BAZ2B: variants seen among roughly 807,000 people sequenced by gnomAD.
BAZ2B encodes bromodomain adjacent to zinc finger domain protein 2B.
BAZ2B carries 91 observed loss-of-function variants against 246.0 expected under a neutral mutation model. That is an observed-to-expected ratio of 0.37 (90% CI 0.31 to 0.44). The LOEUF (loss-of-function observed/expected upper bound fraction) is 0.44. Ranked by LOEUF, BAZ2B falls within the 20% of genes least tolerant of loss-of-function variation. BAZ2B has a pLI of 1.00. For missense variants in BAZ2B, 2,332 were observed against 2,533.7 expected (o/e 0.92, Z 1.71); for synonymous variants, 855 against 860.0 (o/e 0.99, Z 0.10).
At chr2:159,650,404 T>C in the BAZ2B span, among the ~76,000 whole-genome samples, 1 of 152,144 alleles carries the variant, frequency 6.6e-6, no homozygotes, top group Non-Finnish European at 1.5e-5. Context: ...CACAGGACCA[T>C]TTAAGTTTAG....
intron 3 of BAZ2B, among the ~76,000 whole-genome samples, chr2:159,469,435 T>G (rs908232038): frequency 2.0e-5 from 3 of 152,000 alleles, no homozygotes; most frequent in Non-Finnish European, 4.4e-5. Flanking sequence ...TTACTTATTT[T>G]ATTTATTTAT....
chr2:159,630,443 C>T, the BAZ2B span, among the ~76,000 whole-genome samples: 2 of 152,146 alleles, frequency 1.3e-5, 1 homozygote, highest in South Asian at 4.1e-4. Flanking sequence ...GACTTTAAAA[C>T]ACAACAACTA....
At chr2:159,608,953 A>G (rs997908197) in intron 1 of BAZ2B, among the ~76,000 whole-genome samples, 2 of 152,228 alleles carry the variant, frequency 1.3e-5, no homozygotes, top group African/African-American at 4.8e-5. Flanking sequence ...ACAAACACAT[A>G]CATGCACATG....
chr2:159,466,602 A>G (rs1487458674), intron 3 of BAZ2B, among the ~76,000 whole-genome samples: 1 of 152,236 alleles, frequency 6.6e-6, no homozygotes, highest in African/African-American at 2.4e-5. Context: ...TAAGGTCTGT[A>G]TTAGTCAAGA....
At chr2:159,546,238 C>T (rs1043141467) in intron 2 of BAZ2B, among the ~76,000 whole-genome samples, 3 of 152,000 alleles carry the variant, frequency 2.0e-5, no homozygotes, top group East Asian at 1.9e-4. Flanking sequence ...GACTGAATTA[C>T]GGGGGCGGGT....
intron 27 of BAZ2B, among the ~76,000 whole-genome samples, chr2:159,361,982 G>A (rs1408550039): frequency 6.6e-6 from 1 of 152,082 alleles, no homozygotes; most frequent in Non-Finnish European, 1.5e-5. Flanking sequence ...GGGAGGGATA[G>A]CATTAGGAGA....
intron 3 of BAZ2B, chr2:159,464,116 T>C (rs766563896): frequency 4.6e-5 from 7 of 152,218 alleles, no homozygotes; most frequent in Non-Finnish European, 1.0e-4. Flanking sequence ...CCTTATGTTA[T>C]CATCTTACAT....
chr2:159,551,196 A>ATG, intron 2 of BAZ2B, among the ~76,000 whole-genome samples: 1 of 152,146 alleles, frequency 6.6e-6, no homozygotes, highest in African/African-American at 2.4e-5. Context: ...CCGGCCGGGC[A>ATG]CGGTGGCTCA....
chr2:159,558,020 G>T (rs993722532), intron 1 of BAZ2B, among the ~76,000 whole-genome samples: 3 of 151,890 alleles, frequency 2.0e-5, no homozygotes, highest in African/African-American at 7.3e-5. Flanking sequence ...AAATGCAGAG[G>T]GAATGGGAAA....
chr2:159,620,303 A>G (rs1433299863), upstream of BAZ2B, among the ~76,000 whole-genome samples: 1 of 152,242 alleles, frequency 6.6e-6, no homozygotes, highest in Non-Finnish European at 1.5e-5. Context: ...TTCTGTTTCA[A>G]TCATTACAGC....
the BAZ2B span, among the ~76,000 whole-genome samples, chr2:159,678,142 T>C: frequency 2.0e-5 from 3 of 152,202 alleles, no homozygotes; most frequent in African/African-American, 7.2e-5. Context: ...TTTTACGTAA[T>C]GCTAAATAAT....
At chr2:159,483,647 A>G (rs933769668) in intron 2 of BAZ2B, among the ~76,000 whole-genome samples, 4 of 151,838 alleles carry the variant, frequency 2.6e-5, no homozygotes, top group Admixed American at 6.6e-5. Context: ...CCCACGCGGT[A>G]GTGGGTGCCT....
intron 3 of BAZ2B, among the ~76,000 whole-genome samples, chr2:159,457,753 C>A (rs899665886): frequency 6.6e-6 from 1 of 152,074 alleles, no homozygotes; most frequent in Admixed American, 6.5e-5. Context: ...CTCCCAGGGC[C>A]ACTCCTTTAC....
At chr2:159,685,766 A>T in the BAZ2B span, among the ~76,000 whole-genome samples, 1 of 152,208 alleles carries the variant, frequency 6.6e-6, no homozygotes, top group Non-Finnish European at 1.5e-5. Context: ...AAATAAACAT[A>T]AGTCCATACT....
At chr2:159,701,503 CTT>C in the BAZ2B span, among the ~76,000 whole-genome samples, 2 of 151,208 alleles carry the variant, frequency 1.3e-5, no homozygotes, top group Non-Finnish European at 2.9e-5. Context: ...TAAATTCAAA[CTT>C]TAAAAAAATT....
chr2:159,678,825 G>A, the BAZ2B span, among the ~76,000 whole-genome samples: 1 of 152,088 alleles, frequency 6.6e-6, no homozygotes, highest in East Asian at 1.9e-4. Flanking sequence ...TATTACTTTT[G>A]CAGTTTCACA....
At chr2:159,394,148 CA>C (rs2063693937) in intron 20 of BAZ2B, among the ~76,000 whole-genome samples, 1 of 151,548 alleles carries the variant, frequency 6.6e-6, no homozygotes, top group Non-Finnish European at 1.5e-5. Flanking sequence ...AAAAACAAAA[CA>C]AAACCCATGA....
the BAZ2B span, among the ~76,000 whole-genome samples, chr2:159,642,923 C>T: frequency 3.3e-4 from 50 of 152,206 alleles, no homozygotes; most frequent in Non-Finnish European, 1.0e-4. Flanking sequence ...AACTTTTTTG[C>T]TGTATCACTT....
rs115722293 is a variant in BAZ2B at position 159,449,226 on chromosome 2, C to T, written c.335-817G>A. ...AAAAGGAAATAAGCCAAATTTTATA[C>T]ATTTTTCAAGGAAGGATGAAGTAAT... On this transcript the variant is annotated intron_variant, in intron 4 of 36. Transcript: ENST00000392783. Among the ~76,000 whole-genome samples the T allele has an allele frequency of 4.2e-3, 645 of 152,236 alleles. 4 individuals carry two copies. Among genetic ancestry groups the T allele is most frequent in the African/African-American group, 0.014 (595 of 41,554 alleles).
Sources: allele counts gnomAD v4.1 joint callset (sites outside exome capture counted in the v4.1 genomes callset), GRCh38; gene constraint gnomAD v4.1.1; transcripts MANE v1.5; gene names NCBI Gene and HGNC (gene_info 2026-07-23, HGNC 2026-07-21).